Variants in PCBP4 observed in about 807,000 individuals in gnomAD.
PCBP4 encodes poly(rC) binding protein 4, also known as poly(rC)-binding protein 4.
A neutral mutation model predicts 46.2 loss-of-function variants in PCBP4; 24 were observed. The observed-to-expected ratio is 0.52, with a 90% CI of 0.38 to 0.73. The LOEUF (loss-of-function observed/expected upper bound fraction) is 0.73, where lower values mean the gene tolerates loss of function less well. Among genes scored for constraint, PCBP4 ranks in the 30% least tolerant of loss-of-function variants. PCBP4 has a pLI of 0.00. For synonymous variants in PCBP4, 203 were observed against 224.4 expected (o/e 0.90, Z 0.85); for missense variants, 407 against 537.0 (o/e 0.76, Z 2.39).
chr3:51,958,773 G>T lies in PCBP4; in HGVS notation c.923+17C>A. ...AACCGTGACCTGCTCCCCCACTGCC[G>T]CCCAGCCCGCGCTCACCAGGCAGTG... On this transcript the variant is annotated intron_variant, in intron 13 of 13. Transcript: ENST00000461554. The surrounding 1 kb of genome is among the most constrained non-coding windows in gnomAD (Gnocchi z 5.4). 3 of 1,601,820 alleles carry T rather than the reference G, an allele frequency of 1.9e-6. No individual in the cohort carries two copies. Among genetic ancestry groups the T allele is most frequent in the Non-Finnish European group, 2.6e-6 (3 of 1,172,168 alleles).
At position 51,960,807 on chromosome 3, in the gene PCBP4, G is replaced by T; in HGVS notation, c.138+59C>A. ...AGGAGTGGTTCAGAGAGAAAGTGGG[G>T]CAGGGATCTCCCCTCCACATCAGGT... On this transcript the variant is annotated intron_variant, in intron 5 of 13. Transcript: ENST00000461554. This position sits in a 1 kb window ranked among gnomAD's most constrained non-coding sequence, Gnocchi z 5.0. 6.3e-7 allele frequency: 1 copy of T among 1,578,442 alleles called. No homozygotes were observed. Among genetic ancestry groups the T allele is most frequent in the Non-Finnish European group, 8.7e-7 (1 of 1,147,762 alleles).
At position 51,958,693 on chromosome 3, in the gene PCBP4, C is replaced by CA. The variant is rs1011509339; in HGVS notation, c.923+96dup. 7 of 1,395,106 alleles carry CA rather than the reference C, an allele frequency of 5.0e-6. No homozygotes were observed. In the African/African-American group the frequency reaches 9.9e-5, roughly 20 times the overall value. 86.4% of individuals were successfully genotyped at this position (1,395,106 alleles called of 1,614,324 possible). A position where few individuals can be genotyped will look rare whatever the true frequency, so the allele number is the denominator to read the frequency against. ...AGGAGAGGCAGAGGTCGGGCCCAGA[C>CA]AGAGAGAGGAGGCCAGCTTCCTCTC... On this transcript the variant is annotated intron_variant, in intron 13 of 13. Transcript: ENST00000461554. This position sits in a 1 kb window ranked among gnomAD's most constrained non-coding sequence, Gnocchi z 5.4.
intron 1 of PCBP4, among the ~76,000 whole-genome samples, chr3:51,965,956 G>C (rs1345491721): frequency 6.6e-6 from 1 of 152,222 alleles, no homozygotes; most frequent in Non-Finnish European, 1.5e-5. Flanking sequence ...AGTCGAGTTG[G>C]GCTCAGCCTG....
chr3:51,958,665 G>T lies in PCBP4; in HGVS notation c.923+125C>A. ...AAAGACCATGGGGAATTGGAGTAGGGTTAGGAGAGGCAGAGGTCGGGCCCA... is the reference window on the plus strand; with the variant it reads ...AAAGACCATGGGGAATTGGAGTAGGTTTAGGAGAGGCAGAGGTCGGGCCCA... On this transcript the variant is annotated intron_variant, in intron 13 of 13. Coordinates refer to ENST00000461554, the MANE Select transcript of PCBP4 (RefSeq NM_001174100.2). This position sits in a 1 kb window ranked among gnomAD's most constrained non-coding sequence, Gnocchi z 5.4. 2 of 1,081,650 alleles carry T rather than the reference G, an allele frequency of 1.8e-6. No homozygotes were observed. The highest frequency in any genetic ancestry group is 2.6e-6 in the Non-Finnish European group (2 of 760,574). 67.0% of individuals were successfully genotyped at this position (1,081,650 alleles called of 1,614,324 possible). A position where few individuals can be genotyped will look rare whatever the true frequency, so the allele number is the denominator to read the frequency against.
chr3:51,960,762 G>A lies in PCBP4; in HGVS notation c.138+104C>T, dbSNP rs185100694. The stretch of plus-strand genomic sequence containing the variant: ...GGCTCAAAACTGCCACCCTCTGGGG[G>A]ACTCACTGGTCAGCCCAGAAGGAGT... On this transcript the variant is annotated intron_variant, in intron 5 of 13. Transcript: ENST00000461554. The surrounding 1 kb of genome is among the most constrained non-coding windows in gnomAD (Gnocchi z 5.0). 4.2e-4 allele frequency: 611 copies of A among 1,471,476 alleles called. 2 individuals are homozygous for A. The African/African-American group carries it at 5.9e-3, about 14-fold the overall frequency. The allele number at this position is 1,471,476 out of a possible 1,614,324, so 91.2% of individuals were successfully genotyped here.
Position 51,959,953 on chromosome 3 carries a change from G to A in PCBP4, c.458C>T (p.Ser153Phe). The change falls in exon 8 of 14, where the codon TCT becomes TTT. Residue 153 changes from serine (S) to phenylalanine (F), a missense_variant. Coordinates refer to ENST00000461554, the MANE Select transcript of PCBP4 (RefSeq NM_001174100.2). The surrounding 1 kb of genome is among the most constrained non-coding windows in gnomAD (Gnocchi z 5.6). ...PNSTERAVTV[S>F]GVPDAIILCV... ...CAGGATGATGGCATCAGGCACCCCAGATACCGTAACAGCTCGCTCTGTGGA... is the reference window on the plus strand; with the variant it reads ...CAGGATGATGGCATCAGGCACCCCAAATACCGTAACAGCTCGCTCTGTGGA... The A allele has an allele frequency of 6.2e-7, 1 of 1,612,536 alleles. No individual in the cohort carries two copies. Among genetic ancestry groups the A allele is most frequent in the Non-Finnish European group, 8.5e-7 (1 of 1,178,830 alleles).
rs1486221515 is a variant in PCBP4 at position 51,966,212 on chromosome 3, C to T, written c.-213+1114G>A. On this transcript the variant is annotated intron_variant, in intron 1 of 13. Transcript: ENST00000461554. ...GTCTGGGGACACAGGGTGGGGCAAG[C>T]CAGCCTCCTCGTGGCCTGGGCCTGC... Among the ~76,000 whole-genome samples, 5 of 152,104 alleles carry T rather than the reference C, an allele frequency of 3.3e-5. No homozygotes were observed. In the East Asian group the frequency reaches 5.8e-4, roughly 18 times the overall value.
In PCBP4 at chr3:51,960,170, G is replaced by A; in HGVS notation, c.387+19C>T. On this transcript the variant is annotated intron_variant, in intron 7 of 13. Coordinates refer to ENST00000461554, the MANE Select transcript of PCBP4 (RefSeq NM_001174100.2). The surrounding 1 kb of genome is among the most constrained non-coding windows in gnomAD (Gnocchi z 5.0). The stretch of plus-strand genomic sequence containing the variant: ...CCCTTGCCCCGGATTCCCTGTGGGT[G>A]GTATATCTCGCCCCTCACCTCTCGG... 1 of 1,614,082 alleles carries A rather than the reference G, an allele frequency of 6.2e-7. No homozygotes were observed.
At position 51,959,240 on chromosome 3, in the gene PCBP4, C is replaced by T; in HGVS notation, c.689G>A (p.Ser230Asn). 6.2e-7 allele frequency: 1 copy of T among 1,614,006 alleles called. No homozygotes were observed. Among genetic ancestry groups the T allele is most frequent in the Non-Finnish European group, 8.5e-7 (1 of 1,179,976 alleles). ...CAGGGGTGGCTTACCTGGCACCACG[C>T]TGGGTGTGGCAAAGGGGACCGCATG... ...SSHAVPFATP[S>N]VVPGLDPGTQ... is the part of the protein sequence containing the mutation. Residue 230 changes from serine to asparagine, a missense_variant, in exon 11 of 14, where the codon AGC becomes AAC. Coordinates refer to ENST00000461554, the MANE Select transcript of PCBP4 (RefSeq NM_001174100.2). The surrounding 1 kb of genome is among the most constrained non-coding windows in gnomAD (Gnocchi z 5.6).
intron 3 of PCBP4, 55 bp downstream of exon 3, chr3:51,961,105 G>A: frequency 6.2e-7 from 1 of 1,613,948 alleles, no homozygotes; most frequent in Non-Finnish European, 8.5e-7. Context: ...GGGATACCCA[G>A]TGAAACCCAG....
Position 51,958,952 on chromosome 3 carries a change from C to T in PCBP4, c.761G>A (p.Gly254Asp). Residue 254 changes from glycine to aspartate, a missense_variant, in exon 13 of 14, where the codon GGC becomes GAC. Coordinates refer to ENST00000461554, the MANE Select transcript of PCBP4 (RefSeq NM_001174100.2). The surrounding 1 kb of genome is among the most constrained non-coding windows in gnomAD (Gnocchi z 5.4). ...GCTGCCCTGGCGCCCGATCACACAG[C>T]CAATCAACTAGAGGGAAGGCAGAAT... ...QEFLVPNDLI[G>D]CVIGRQGSKI... is the part of the protein sequence containing the mutation. 6.2e-7 allele frequency: 1 copy of T among 1,613,972 alleles called. No individual in the cohort carries two copies. The highest frequency in any genetic ancestry group is 8.5e-7 in the Non-Finnish European group (1 of 1,179,926).
chr3:51,958,234 C>T lies in PCBP4; in HGVS notation c.1039G>A (p.Gly347Ser), dbSNP rs1414042418. Reference protein sequence around the residue: ...ALPTAPPGLLGTPYAISLSNF... With the variant: ...ALPTAPPGLLSTPYAISLSNF... The stretch of plus-strand genomic sequence containing the variant: ...GAGAGGGAGATGGCATAGGGTGTGC[C>T]CAGCAGGCCAGGGGGAGCTGTGGGC... Residue 347 changes from glycine to serine, a missense_variant, in exon 14 of 14, where the codon GGC becomes AGC. Physicochemically the swap from Gly to Ser is moderately conservative, Grantham distance 56. Transcript: ENST00000461554. This position sits in a 1 kb window ranked among gnomAD's most constrained non-coding sequence, Gnocchi z 5.4. 2 of 1,608,420 alleles carry T rather than the reference C, an allele frequency of 1.2e-6. No homozygotes were observed. Among genetic ancestry groups the T allele is most frequent in the African/African-American group, 2.7e-5 (2 of 74,644 alleles).
chr3:51,960,420 T>C lies in PCBP4; in HGVS notation c.256-100A>G, dbSNP rs1379593485. 1.0e-5 allele frequency: 16 copies of C among 1,568,380 alleles called. 1 individual carries two copies. Among genetic ancestry groups the C allele is most frequent in the Middle Eastern group, 1.7e-4 (1 of 5,952 alleles). Reference sequence around the variant, plus strand: ...CCCCAGTCCCACTTCAAGGGAACACTGCCCTGGGCTTGACCTCCCCTCCCA... The same window carrying C: ...CCCCAGTCCCACTTCAAGGGAACACCGCCCTGGGCTTGACCTCCCCTCCCA... On this transcript the variant is annotated intron_variant, in intron 6 of 13. Transcript: ENST00000461554. This position sits in a 1 kb window ranked among gnomAD's most constrained non-coding sequence, Gnocchi z 5.0.
At position 51,960,551 on chromosome 3, in the gene PCBP4, G is replaced by A. The variant is rs1455478780; in HGVS notation, c.230C>T (p.Ser77Phe). The A allele has an allele frequency of 3.1e-6, 5 of 1,613,538 alleles. No homozygotes were observed. Among genetic ancestry groups the A allele is most frequent in the Non-Finnish European group, 4.2e-6 (5 of 1,179,532 alleles). The stretch of plus-strand genomic sequence containing the variant: ...CTCATCCAGTTTGAAAGCAATCATG[G>A]AGACTGCATGGAAGACAGCTGCTGT... ...GSTAAVFHAV[S>F]MIAFKLDEDL... The change falls in exon 6 of 14, where the codon TCC becomes TTC. Residue 77 changes from serine to phenylalanine, a missense_variant. Coordinates refer to ENST00000461554, the MANE Select transcript of PCBP4 (RefSeq NM_001174100.2). This position sits in a 1 kb window ranked among gnomAD's most constrained non-coding sequence, Gnocchi z 5.0.
In PCBP4 at chr3:51,958,687, C is replaced by T; in HGVS notation, c.923+103G>A. The T allele has an allele frequency of 7.4e-7, 1 of 1,348,652 alleles. No homozygotes were observed. The highest frequency in any genetic ancestry group is 1.0e-6 in the Non-Finnish European group (1 of 985,940). 83.5% of individuals were successfully genotyped at this position (1,348,652 alleles called of 1,614,324 possible). A position where few individuals can be genotyped will look rare whatever the true frequency, so the allele number is the denominator to read the frequency against. ...AGGGTTAGGAGAGGCAGAGGTCGGGCCCAGACAGAGAGAGGAGGCCAGCTT... is the reference window on the plus strand; with the variant it reads ...AGGGTTAGGAGAGGCAGAGGTCGGGTCCAGACAGAGAGAGGAGGCCAGCTT... On this transcript the variant is annotated intron_variant, in intron 13 of 13. Transcript: ENST00000461554. The surrounding 1 kb of genome is among the most constrained non-coding windows in gnomAD (Gnocchi z 5.4).
At chr3:51,964,573 A>C (rs1577694408) in intron 1 of PCBP4, among the ~76,000 whole-genome samples, 1 of 149,534 alleles carries the variant, frequency 6.7e-6, no homozygotes, top group Non-Finnish European at 1.5e-5. Context: ...TCCTATTCCC[A>C]CTCCCAAAGC....
At chr3:51,964,778 A>C (rs954611583) in intron 1 of PCBP4, among the ~76,000 whole-genome samples, 28 of 152,322 alleles carry the variant, frequency 1.8e-4, no homozygotes, top group African/African-American at 6.7e-4. Context: ...AGCATCTTGG[A>C]CACATGTGCC....
Position 51,958,131 on chromosome 3 carries a change from G to A in PCBP4, c.1142C>T (p.Ala381Val). 6.2e-7 allele frequency: 1 copy of A among 1,609,078 alleles called. No individual in the cohort carries two copies. The highest frequency in any genetic ancestry group is 8.5e-7 in the Non-Finnish European group (1 of 1,177,790). Residue 381 changes from alanine to valine, a missense_variant, in exon 14 of 14, where the codon GCC becomes GTC. Coordinates refer to ENST00000461554, the MANE Select transcript of PCBP4 (RefSeq NM_001174100.2). This position sits in a 1 kb window ranked among gnomAD's most constrained non-coding sequence, Gnocchi z 5.4. ...ASPGPPPGLA[A>V]YTAKMAAANG... ...AGCTGCTGCCATCTTGGCAGTGTAG[G>A]CCGCCAAGCCCGGCGGCGGCCCTGG...
In PCBP4 at chr3:51,959,091, G is replaced by C; in HGVS notation, c.709C>G (p.Pro237Ala). ...ATPSVVPGLDPGTQTSSQEFL... is the reference protein window; with the variant it reads ...ATPSVVPGLDAGTQTSSQEFL... ...TCCTGTGAGCTGGTCTGTGTGCCGG[G>C]ATCCAGTCCTGAGGGGGAGAAGAGG... Residue 237 changes from proline (P) to alanine (A), a missense_variant, in exon 12 of 14, where the codon CCC becomes GCC. Physicochemically the swap from Pro to Ala is conservative, Grantham distance 27. Transcript: ENST00000461554. The surrounding 1 kb of genome is among the most constrained non-coding windows in gnomAD (Gnocchi z 5.6). 1 of 1,613,926 alleles carries C rather than the reference G, an allele frequency of 6.2e-7. No individual in the cohort carries two copies. Among genetic ancestry groups the C allele is most frequent in the Non-Finnish European group, 8.5e-7 (1 of 1,179,948 alleles).
Sources: gnomAD v4.1 joint callset for allele counts (sites outside exome capture counted in the v4.1 genomes callset) on GRCh38, gnomAD v4.1.1 for gene constraint, Gnocchi (gnomAD v3.1) non-coding constraint, MANE v1.5 for transcripts, NCBI Gene and HGNC (gene_info 2026-07-23, HGNC 2026-07-21) for gene names.